ZNF17: variants seen among roughly 807,000 people sequenced by gnomAD.
The protein encoded by ZNF17 is zinc finger protein 17 (HPF3, KOX 10).
In ZNF17, 4 loss-of-function variants were observed where a neutral mutation model predicts 7.7. The observed-to-expected ratio is 0.52, with a 90% CI of 0.26 to 1.20. The LOEUF is 1.20. Among genes scored for constraint, ZNF17 ranks in the 50% most tolerant of loss-of-function variants. ZNF17 has a pLI of 0.14. For missense variants in ZNF17, 738 were observed against 799.5 expected (o/e 0.92, Z 0.93); for synonymous variants, 249 against 258.8 (o/e 0.96, Z 0.36).
chr19:57,417,283 G>T (rs2088816682), intron 2 of ZNF17, among the ~76,000 whole-genome samples: 1 of 152,084 alleles, frequency 6.6e-6, no homozygotes, highest in South Asian at 2.1e-4. Context: ...GTTTTGGCTG[G>T]AAAGGCATGC....
Position 57,421,116 on chromosome 19 carries a change from A to G in ZNF17, c.1630A>G (p.Ile544Val). The change falls in exon 4 of 4, where the codon ATT (isoleucine) becomes GTT (valine). Residue 544 changes from isoleucine to valine, a missense_variant. By Grantham distance (29) the Ile-to-Val change is conservative. This residue lies in a region of ZNF17 where 616 missense variants were observed against 663.9 expected (regional missense o/e 0.93). Transcript: ENST00000307658. Reference protein sequence around the residue: ...GKFFRHNSNHIRHRRNHFGER... With the variant: ...GKFFRHNSNHVRHRRNHFGER... Reference sequence around the variant, plus strand: ...ATTCTTTAGGCACAACTCAAATCATATTAGACATCGGAGAAATCACTTTGG... The same window carrying G: ...ATTCTTTAGGCACAACTCAAATCATGTTAGACATCGGAGAAATCACTTTGG... 1.2e-6 allele frequency: 2 copies of G among 1,613,972 alleles called. No homozygotes were observed. The highest frequency in any genetic ancestry group is 1.7e-5 in the Admixed American group (1 of 60,028).
At chr19:57,413,099 G>T (rs2088789108) in intron 1 of ZNF17, among the ~76,000 whole-genome samples, 1 of 150,620 alleles carries the variant, frequency 6.6e-6, no homozygotes, top group Non-Finnish European at 1.5e-5. Flanking sequence ...GGATGGTCTT[G>T]ATCTCTGCAC....
In ZNF17 at chr19:57,419,868, A is replaced by G. The variant is rs778238106; in HGVS notation, c.382A>G (p.Thr128Ala). ...AAAGGAGCATCTTAGAGAGAAGCTC[A>G]CCAGAAGTGATGAAGGGAGGCCTTC... ...HQKEHLREKL[T>A]RSDEGRPSFV... The change falls in exon 4 of 4, where the codon ACC becomes GCC. Residue 128 changes from threonine (T) to alanine (A), a missense_variant. This residue lies in a region of ZNF17 where 616 missense variants were observed against 663.9 expected (regional missense o/e 0.93). Transcript: ENST00000307658. The G allele has an allele frequency of 6.2e-7, 1 of 1,614,234 alleles. No homozygotes were observed. The highest frequency in any genetic ancestry group is 2.2e-5 in the East Asian group (1 of 44,882).
intron 3 of ZNF17, 91 bp downstream of exon 3, chr19:57,418,129 A>G: frequency 6.7e-7 from 1 of 1,488,794 alleles, no homozygotes; most frequent in Non-Finnish European, 9.1e-7. Context: ...CAGGTCATGG[A>G]TGCTGCATCC....
Position 57,420,231 on chromosome 19 carries a change from A to T in ZNF17, c.745A>T (p.Lys249Ter), listed in dbSNP as rs767132336. The change falls in exon 4 of 4, where the codon AAG becomes TAG. Residue 249 changes from lysine to a stop codon, truncating the protein, a stop_gained. Transcript: ENST00000307658. LOFTEE classifies it low-confidence loss of function (END_TRUNC). ...QRNHTGERPYKCSECGKAFSL... is the reference protein window; with the variant it reads ...QRNHTGERPY ...AAATCATACTGGAGAAAGGCCTTAT[A>T]AGTGTAGTGAATGTGGAAAAGCCTT... The T allele has an allele frequency of 1.2e-6, 2 of 1,613,936 alleles. No individual in the cohort carries two copies. Among genetic ancestry groups the T allele is most frequent in the South Asian group, 2.2e-5 (2 of 91,066 alleles).
In ZNF17 at chr19:57,420,676, T is replaced by C; in HGVS notation, c.1190T>C (p.Phe397Ser). 1 of 1,614,008 alleles carries C rather than the reference T, an allele frequency of 6.2e-7. No individual in the cohort carries two copies. The highest frequency in any genetic ancestry group is 1.1e-5 in the South Asian group (1 of 91,080). Reference sequence around the variant, plus strand: ...GAATGCAACGAATGTGGGAAATTCTTTAGATACCGTTCCACACTCATTAGA... The same window carrying C: ...GAATGCAACGAATGTGGGAAATTCTCTAGATACCGTTCCACACTCATTAGA... Reference protein sequence around the residue: ...PYECNECGKFFRYRSTLIRHQ... With the variant: ...PYECNECGKFSRYRSTLIRHQ... The change falls in exon 4 of 4, where the codon TTT (phenylalanine) becomes TCT (serine). Residue 397 changes from phenylalanine (F) to serine (S), a missense_variant. Around this residue, in one of 3 missense-constraint regions of ZNF17, gnomAD observed 616 missense variants for 663.9 expected, o/e 0.93. Coordinates refer to ENST00000307658, the MANE Select transcript of ZNF17 (RefSeq NM_001330617.2).
Position 57,417,959 on chromosome 19 carries a change from G to A in ZNF17, c.69G>A (p.Glu23=), listed in dbSNP as rs776430933. 1.9e-6 allele frequency: 3 copies of A among 1,614,138 alleles called. No homozygotes were observed. The highest frequency in any genetic ancestry group is 4.5e-5 in the East Asian group (2 of 44,884). ...TGGCCATACATTTCTCCCAGGAGGAGTGGGGAATTCTTAATGACGTTCAGA... is the reference window on the plus strand; with the variant it reads ...TGGCCATACATTTCTCCCAGGAGGAATGGGGAATTCTTAATGACGTTCAGA... The part of the protein sequence containing the change: ...EDVAIHFSQE[E]WGILNDVQRH... Residue 23 remains glutamate, a synonymous_variant, in exon 3 of 4, where the codon GAG becomes GAA. Coordinates refer to ENST00000307658, the MANE Select transcript of ZNF17 (RefSeq NM_001330617.2).
chr19:57,418,912 G>C (rs57406117), intron 3 of ZNF17: 16,026 of 135,956 alleles, frequency 0.12, 1,043 homozygotes, highest in South Asian at 0.17. Context: ...TTTTGTTTTT[G>C]AGATGGAGTT....
At position 57,420,998 on chromosome 19, in the gene ZNF17, T is replaced by C. The variant is rs775793929; in HGVS notation, c.1512T>C (p.Ile504=). The part of the protein sequence containing the change: ...HTGERPFECS[I]CGKSFRCRST... ...GAGAAAGACCTTTTGAATGCAGCAT[T>C]TGTGGGAAATCCTTTAGATGTCGCT... The change falls in exon 4 of 4, where the codon ATT becomes ATC. Residue 504 remains isoleucine, a synonymous_variant. Transcript: ENST00000307658. 1.2e-6 allele frequency: 2 copies of C among 1,613,306 alleles called. No individual in the cohort carries two copies. Among genetic ancestry groups the C allele is most frequent in the South Asian group, 1.1e-5 (1 of 91,060 alleles).
intron 3 of ZNF17, among the ~76,000 whole-genome samples, chr19:57,418,287 T>C (rs2088824723): frequency 6.6e-6 from 1 of 152,204 alleles, no homozygotes; most frequent in Non-Finnish European, 1.5e-5. Context: ...AAGAATATCC[T>C]AATGACCTTG....
chr19:57,416,646 A>G (rs1242674938), intron 2 of ZNF17, among the ~76,000 whole-genome samples: 1 of 152,036 alleles, frequency 6.6e-6, no homozygotes, highest in Non-Finnish European at 1.5e-5. Flanking sequence ...AGTAGCTGGG[A>G]TTACAGGTGC....
chr19:57,414,939 T>C (rs2088802416), intron 2 of ZNF17, among the ~76,000 whole-genome samples: 1 of 151,538 alleles, frequency 6.6e-6, no homozygotes, highest in Non-Finnish European at 1.5e-5. Flanking sequence ...CTCGATCTCC[T>C]GACCTCATGA....
At chr19:57,411,869 C>T (rs138606692) in intron 1 of ZNF17, among the ~76,000 whole-genome samples, 125 of 152,264 alleles carry the variant, frequency 8.2e-4, no homozygotes, top group African/African-American at 2.8e-3. Context: ...GGATGGATCT[C>T]AGAGATAGAG....
Position 57,421,311 on chromosome 19 carries a change from GA to G in ZNF17, c.1829del (p.Lys610SerfsTer82). ...TAGTCATGAGAGAGTTCATACTGGA[GA>G]AAAGCCTTATGAGTGCAGTGAATGT... The part of the protein sequence containing the change: ...LISHERVHTG[E>X]KPYECSECGK... On this transcript the variant is annotated frameshift_variant, in exon 4 of 4. Transcript: ENST00000307658. LOFTEE classifies it low-confidence loss of function (END_TRUNC). The G allele has an allele frequency of 6.2e-7, 1 of 1,614,130 alleles. No individual in the cohort carries two copies. Among genetic ancestry groups the G allele is most frequent in the Non-Finnish European group, 8.5e-7 (1 of 1,180,008 alleles).
intron 3 of ZNF17, among the ~76,000 whole-genome samples, chr19:57,418,286 C>T (rs1424641607): frequency 1.3e-5 from 2 of 152,172 alleles, no homozygotes; most frequent in East Asian, 3.9e-4. Flanking sequence ...CAAGAATATC[C>T]TAATGACCTT....
In ZNF17 at chr19:57,413,612, A is replaced by G. The variant is rs1243378270; in HGVS notation, c.-4A>G. The G allele has an allele frequency of 6.5e-7, 1 of 1,535,998 alleles. No individual in the cohort carries two copies. Among genetic ancestry groups the G allele is most frequent in the Non-Finnish European group, 8.7e-7 (1 of 1,146,928 alleles). On this transcript the variant is annotated 5_prime_UTR_variant, in exon 2 of 4. Coordinates refer to ENST00000307658, the MANE Select transcript of ZNF17 (RefSeq NM_001330617.2). ...TTCCCACAGGGTTCATAGCAGTGGC[A>G]GCAATGCTTATGGATGCTGGACAGG...
intron 1 of ZNF17, among the ~76,000 whole-genome samples, chr19:57,412,779 C>G (rs2088786542): frequency 1.3e-5 from 2 of 151,960 alleles, no homozygotes; most frequent in Admixed American, 6.6e-5. Flanking sequence ...ACTAATGAAC[C>G]AGTATCCTTC....
chr19:57,417,689 A>T (rs372600746), intron 2 of ZNF17, among the ~76,000 whole-genome samples: 8 of 151,984 alleles, frequency 5.3e-5, no homozygotes, highest in African/African-American at 1.9e-4. Context: ...TCTACTAAAA[A>T]TACAAAAATT....
At chr19:57,412,295 G>T (rs1039885769) in intron 1 of ZNF17, among the ~76,000 whole-genome samples, 4 of 152,104 alleles carry the variant, frequency 2.6e-5, no homozygotes, top group Non-Finnish European at 5.9e-5. Context: ...GGGTCCAGAC[G>T]GGGGTAGGGC....
Sources: gnomAD v4.1 joint callset for allele counts (sites outside exome capture counted in the v4.1 genomes callset) on GRCh38, gnomAD v4.1.1 for gene constraint, gnomAD v4.1.1 regional missense constraint, MANE v1.5 for transcripts, NCBI Gene and HGNC (gene_info 2026-07-23, HGNC 2026-07-21) for gene names.